Variants in RGPD2 observed in about 807,000 individuals in gnomAD.
The protein encoded by RGPD2 is RANBP2-like and GRIP domain-containing protein 2.
A neutral mutation model predicts 36.0 loss-of-function variants in RGPD2; 2 were observed. The observed-to-expected ratio is 0.06, with a 90% CI of 0.02 to 0.17. The LOEUF is 0.17. Among genes scored for constraint, RGPD2 ranks in the 10% least tolerant of loss-of-function variants. The pLI, the probability that RGPD2 is intolerant of heterozygous loss-of-function variation, is 1.00. For synonymous variants in RGPD2, 19 were observed against 163.8 expected (o/e 0.12, Z 6.75); for missense variants, 40 against 464.3 (o/e 0.09, Z 8.40).
chr2:87,824,791 CGAG>C (rs1171409766), intron 1 of RGPD2, among the ~76,000 whole-genome samples: 14 of 42,306 alleles, frequency 3.3e-4, no homozygotes, highest in South Asian at 8.8e-4. Context: ...AGGCCGAGGC[CGAG>C]GCCGCCGCCG....
the RGPD2 span, among the ~76,000 whole-genome samples, chr2:87,940,829 CAA>C: frequency 1.7e-4 from 26 of 150,844 alleles, no homozygotes; most frequent in East Asian, 4.5e-3. Flanking sequence ...TTTAAAGAAA[CAA>C]TATGTAAAGA....
At chr2:87,957,350 C>T in the RGPD2 span, among the ~76,000 whole-genome samples, 2 of 66,816 alleles carry the variant, frequency 3.0e-5, no homozygotes, top group African/African-American at 1.0e-4. Context: ...AAGCAATCAT[C>T]TCCAAGCCAG....
chr2:87,864,041 G>T, the RGPD2 span, among the ~76,000 whole-genome samples: 2 of 151,912 alleles, frequency 1.3e-5, no homozygotes, highest in Non-Finnish European at 2.9e-5. Context: ...TTGACAAGGG[G>T]TCTTCTTGTT....
the RGPD2 span, among the ~76,000 whole-genome samples, chr2:87,830,903 A>G: frequency 6.6e-6 from 1 of 152,168 alleles, no homozygotes; most frequent in Non-Finnish European, 1.5e-5. Flanking sequence ...TGGGAGTTAC[A>G]GTTGAAGATG....
chr2:87,861,252 TA>T, the RGPD2 span, among the ~76,000 whole-genome samples: 2 of 151,776 alleles, frequency 1.3e-5, no homozygotes, highest in Non-Finnish European at 2.9e-5. Flanking sequence ...ATTTTTATTA[TA>T]AAAAGCAAAT....
At chr2:87,884,621 T>C in the RGPD2 span, among the ~76,000 whole-genome samples, 1 of 151,588 alleles carries the variant, frequency 6.6e-6, no homozygotes, top group South Asian at 2.1e-4. Flanking sequence ...TTACAATTGA[T>C]AATACAGAAA....
chr2:87,948,460 C>T, the RGPD2 span, among the ~76,000 whole-genome samples: 1 of 151,438 alleles, frequency 6.6e-6, no homozygotes, highest in Non-Finnish European at 1.5e-5. Context: ...CGGCTCACCG[C>T]AAACTCCGCC....
chr2:87,843,905 C>T, the RGPD2 span, among the ~76,000 whole-genome samples: 1 of 151,920 alleles, frequency 6.6e-6, no homozygotes, highest in Non-Finnish European at 1.5e-5. Flanking sequence ...AGTTCATGTC[C>T]TTTGTAGGGA....
At chr2:87,763,554 C>CA (rs1351658681) in intron 22 of RGPD2, among the ~76,000 whole-genome samples, 1 of 44,302 alleles carries the variant, frequency 2.3e-5, no homozygotes, top group Non-Finnish European at 4.4e-5. Flanking sequence ...AAAATTTCAA[C>CA]ATGTAATCAC....
the RGPD2 span, among the ~76,000 whole-genome samples, chr2:87,943,588 T>C: frequency 1.3e-5 from 2 of 151,956 alleles, no homozygotes; most frequent in Non-Finnish European, 2.9e-5. Flanking sequence ...ATTCTTCAGA[T>C]TGTCTCTTTA....
the RGPD2 span, among the ~76,000 whole-genome samples, chr2:87,898,066 CATT>C: frequency 8.6e-6 from 1 of 116,424 alleles, no homozygotes. Flanking sequence ...ATATCAAAGT[CATT>C]GTTTTCATTT....
chr2:87,877,279 T>C, the RGPD2 span, among the ~76,000 whole-genome samples: 31 of 152,290 alleles, frequency 2.0e-4, no homozygotes, highest in East Asian at 5.4e-3. Flanking sequence ...GACTTGTTTA[T>C]GTAGTTGCTT....
intron 6 of RGPD2, among the ~76,000 whole-genome samples, chr2:87,809,123 G>A (rs1315569579): frequency 2.1e-5 from 3 of 143,682 alleles, no homozygotes; most frequent in Non-Finnish European, 3.1e-5. Context: ...GGCTAACACA[G>A]TGAAACCCCA....
At chr2:87,957,844 A>C in the RGPD2 span, among the ~76,000 whole-genome samples, 1 of 152,310 alleles carries the variant, frequency 6.6e-6, no homozygotes, top group Non-Finnish European at 1.5e-5. Context: ...TTTGCACATC[A>C]TTGCTTCATT....
the RGPD2 span, among the ~76,000 whole-genome samples, chr2:87,847,591 A>G: frequency 6.7e-6 from 1 of 149,686 alleles, no homozygotes; most frequent in Non-Finnish European, 1.5e-5. Context: ...CTCCGCGTCC[A>G]GGGTTCAAGT....
intron 1 of RGPD2, among the ~76,000 whole-genome samples, chr2:87,822,369 G>C (rs1303226427): frequency 2.0e-5 from 3 of 149,772 alleles, no homozygotes; most frequent in Non-Finnish European, 3.0e-5. Flanking sequence ...TTTCCCAATT[G>C]AAAGGACACT....
chr2:87,839,186 AAAC>A, the RGPD2 span, among the ~76,000 whole-genome samples: 1 of 152,060 alleles, frequency 6.6e-6, no homozygotes, highest in African/African-American at 2.4e-5. Flanking sequence ...GGCAAAAAAC[AAAC>A]AACCCCATTT....
chr2:87,841,606 T>G, the RGPD2 span, among the ~76,000 whole-genome samples: 5 of 151,954 alleles, frequency 3.3e-5, no homozygotes, highest in African/African-American at 4.8e-5. Context: ...ACCAGATGGA[T>G]TCACAGTCGA....
chr2:87,940,640 G>C, the RGPD2 span, among the ~76,000 whole-genome samples: 1 of 143,548 alleles, frequency 7.0e-6, no homozygotes, highest in African/African-American at 2.7e-5. Context: ...GTTTGTGTGT[G>C]TGTGTGTGTG....
Sources: allele counts gnomAD v4.1 joint callset (sites outside exome capture counted in the v4.1 genomes callset), GRCh38; gene constraint gnomAD v4.1.1; transcripts MANE v1.5; gene names NCBI Gene and HGNC (gene_info 2026-07-23, HGNC 2026-07-21).